PTPRN2: variants seen among roughly 807,000 people sequenced by gnomAD.
The protein encoded by PTPRN2 is receptor-type tyrosine-protein phosphatase N2.
A neutral mutation model predicts 118.8 loss-of-function variants in PTPRN2; 74 were observed. The observed-to-expected ratio is 0.62, with a 90% CI of 0.52 to 0.76. The LOEUF (loss-of-function observed/expected upper bound fraction) is 0.76, where lower values mean the gene tolerates loss of function less well. PTPRN2 is among the 30% of genes least tolerant of loss of function. The probability of loss-of-function intolerance (pLI) is 0.00; values close to 1 mark genes in which losing one functional copy is unlikely to be tolerated. For missense variants in PTPRN2, 1,481 were observed against 1,394.4 expected, an observed-to-expected ratio of 1.06 and a Z score of -0.99; for synonymous variants, 641 against 608.0, an observed-to-expected ratio of 1.05 and a Z score of -0.80.
At chr7:158,263,464 G>A (rs542518158) in intron 3 of PTPRN2, among the ~76,000 whole-genome samples, 63 of 152,252 alleles carry the variant, frequency 4.1e-4, no homozygotes, top group South Asian at 1.5e-3. Flanking sequence ...ATCTTCTCCC[G>A]ACCGCATCCC....
At chr7:157,542,773 C>T (rs115381414) in intron 22 of PTPRN2, among the ~76,000 whole-genome samples, 1,935 of 152,302 alleles carry the variant, frequency 0.013, 41 homozygotes, top group African/African-American at 0.044. Flanking sequence ...GAAGCTCCAC[C>T]GGGCGTGTGG....
At chr7:157,628,822 C>T (rs149692443) in intron 14 of PTPRN2, among the ~76,000 whole-genome samples, 242 of 152,280 alleles carry the variant, frequency 1.6e-3, no homozygotes, top group African/African-American at 5.3e-3. Flanking sequence ...GGCTGCACTG[C>T]GGTTCTGGGG....
chr7:158,514,616 T>C (rs1419700295), intron 1 of PTPRN2, among the ~76,000 whole-genome samples: 1 of 152,118 alleles, frequency 6.6e-6, no homozygotes, highest in Non-Finnish European at 1.5e-5. Flanking sequence ...TCTTCCTCAG[T>C]GCTCACGGGT....
intron 11 of PTPRN2, among the ~76,000 whole-genome samples, chr7:158,019,964 C>T (rs535099413): frequency 6.6e-6 from 1 of 152,358 alleles, no homozygotes; most frequent in South Asian, 2.1e-4. Context: ...TCCTCAGGTC[C>T]AGCCATTGGC....
At chr7:157,855,132 G>A (rs893952773) in intron 12 of PTPRN2, among the ~76,000 whole-genome samples, 2 of 122,128 alleles carry the variant, frequency 1.6e-5, no homozygotes, top group African/African-American at 5.9e-5. Flanking sequence ...ATGGCTGCAC[G>A]GTTGCAGGGG....
At chr7:157,753,598 C>G (rs72505548) in intron 12 of PTPRN2, among the ~76,000 whole-genome samples, 1,818 of 152,230 alleles carry the variant, frequency 0.012, 66 homozygotes, top group East Asian at 0.11. Context: ...GTCCATGTTT[C>G]TAGTCGAAGC....
chr7:158,387,828 G>C (rs1459454072), intron 2 of PTPRN2, among the ~76,000 whole-genome samples: 1 of 152,132 alleles, frequency 6.6e-6, no homozygotes, highest in Non-Finnish European at 1.5e-5. Flanking sequence ...ATTCGGACAA[G>C]AGGCTGCAGC....
intron 22 of PTPRN2, among the ~76,000 whole-genome samples, chr7:157,548,707 G>A (rs1187407982): frequency 6.6e-6 from 1 of 152,138 alleles, no homozygotes; most frequent in African/African-American, 2.4e-5. Context: ...CCAGTGGATC[G>A]AGTTCCTAGG....
chr7:157,715,016 T>G (rs1472649724), intron 12 of PTPRN2, among the ~76,000 whole-genome samples: 1 of 152,266 alleles, frequency 6.6e-6, no homozygotes, highest in Non-Finnish European at 1.5e-5. Flanking sequence ...GAATGGATTC[T>G]CCGTCTCCTG....
At chr7:157,827,791 G>A (rs548120093) in intron 12 of PTPRN2, among the ~76,000 whole-genome samples, 126 of 152,346 alleles carry the variant, frequency 8.3e-4, no homozygotes, top group Middle Eastern at 3.4e-3. Flanking sequence ...TGCCGGCCCC[G>A]CCCTCGCCGG....
intron 10 of PTPRN2, among the ~76,000 whole-genome samples, chr7:158,098,873 T>C (rs73748061): frequency 0.037 from 5,655 of 151,860 alleles, 358 homozygotes; most frequent in African/African-American, 0.13. Context: ...CCGGAGAAGA[T>C]GGTAGAAGGT....
rs1034546037 is a variant in PTPRN2 at position 157,603,478 on chromosome 7, C to T, written c.2418+524G>A. Among the ~76,000 whole-genome samples the T allele has an allele frequency of 6.6e-6, 1 of 152,248 alleles. No individual in the cohort carries two copies. The highest frequency in any genetic ancestry group is 1.5e-5 in the Non-Finnish European group (1 of 68,052). ...ACAGGACAGCCCGATCTCCACTGCA[C>T]CTGCGTCTATCCCAGGGGGAGGAAC... is the stretch of plus-strand genomic sequence containing the variant. On this transcript the variant is annotated intron_variant, in intron 16 of 22. Coordinates refer to ENST00000389418, the MANE Select transcript of PTPRN2 (RefSeq NM_002847.5). The surrounding 1 kb of genome is among the most constrained non-coding windows in gnomAD (Gnocchi z 5.4).
chr7:158,470,533 G>A lies in PTPRN2; in HGVS notation c.163+19202C>T, dbSNP rs553996631. On this transcript the variant is annotated intron_variant, in intron 2 of 22. Coordinates refer to ENST00000389418, the MANE Select transcript of PTPRN2 (RefSeq NM_002847.5). The stretch of plus-strand genomic sequence containing the variant: ...AAGACGTGGTGTGTCCCTCGACGGA[G>A]CACGACTCAGCGACAACAGGAGCAA... Among the ~76,000 whole-genome samples, 46 of 152,316 alleles carry A rather than the reference G, an allele frequency of 3.0e-4. 1 individual carries two copies. Among genetic ancestry groups the A allele is most frequent in the African/African-American group, 1.1e-3 (46 of 41,582 alleles).
intron 1 of PTPRN2, among the ~76,000 whole-genome samples, chr7:158,491,511 T>C (rs1038720306): frequency 6.6e-6 from 1 of 152,142 alleles, no homozygotes; most frequent in East Asian, 1.9e-4. Context: ...TTTTTTTTGA[T>C]GGAGTCTTGC....
In PTPRN2 at chr7:158,415,207, C is replaced by T. The variant is rs936313404; in HGVS notation, c.163+74528G>A. On this transcript the variant is annotated intron_variant, in intron 2 of 22. Transcript: ENST00000389418. ...TGCTTCCCAATTAATCTTTACTCTG[C>T]AGTCCCCACTCTGGGCCCCAGCGAC... Among the ~76,000 whole-genome samples the T allele has an allele frequency of 6.2e-4, 95 of 152,224 alleles. 1 individual carries two copies. Among genetic ancestry groups the T allele is most frequent in the Non-Finnish European group, 1.3e-4 (9 of 68,052 alleles).
intron 3 of PTPRN2, among the ~76,000 whole-genome samples, chr7:158,279,847 C>T (rs1245038101): frequency 6.6e-6 from 1 of 152,142 alleles, no homozygotes; most frequent in African/African-American, 2.4e-5. Context: ...GCAGAGAAGG[C>T]GCCCAGAGTG....
At position 158,489,361 on chromosome 7, in the gene PTPRN2, C is replaced by T. The variant is rs1219602609; in HGVS notation, c.163+374G>A. ...ACTCAGGAGGCTGAGGCAGGAGAAT[C>T]GCTTGAGCCCAGGAGGCGAAGGTTG... is the stretch of plus-strand genomic sequence containing the variant. On this transcript the variant is annotated intron_variant, in intron 2 of 22. Transcript: ENST00000389418. 3.9e-5 allele frequency among the ~76,000 whole-genome samples: 6 copies of T among 152,274 alleles called. No individual in the cohort carries two copies. In the South Asian group the frequency reaches 1.2e-3, roughly 32 times the overall value.
chr7:157,604,653 T>G (rs1563253841), intron 15 of PTPRN2, among the ~76,000 whole-genome samples: 1 of 152,198 alleles, frequency 6.6e-6, no homozygotes, highest in Non-Finnish European at 1.5e-5. Flanking sequence ...AATTTAGTTT[T>G]AAAAGGAGAG....
At chr7:157,771,787 T>TCA (rs1554441237) in intron 12 of PTPRN2, among the ~76,000 whole-genome samples, 97 of 132,664 alleles carry the variant, frequency 7.3e-4, no homozygotes, top group African/African-American at 2.3e-3. Context: ...AGACACACAC[T>TCA]CACAGACACA....
Sources: allele counts gnomAD v4.1 joint callset (sites outside exome capture counted in the v4.1 genomes callset), GRCh38; gene constraint gnomAD v4.1.1; non-coding constraint Gnocchi (gnomAD v3.1); transcripts MANE v1.5; gene names NCBI Gene and HGNC (gene_info 2026-07-23, HGNC 2026-07-21).